The following DENND2B variants were observed in gnomAD, a reference collection of about 807,000 sequenced individuals.
The protein encoded by DENND2B is DENN domain containing 2B.
A neutral mutation model predicts 116.0 loss-of-function variants in DENND2B; 32 were observed. The observed-to-expected ratio is 0.28, with a 90% CI of 0.21 to 0.37. The LOEUF is 0.37. DENND2B is among the 10% of genes least tolerant of loss of function. The pLI is 1.00. For missense variants in DENND2B, 1,276 were observed against 1,477.7 expected (o/e 0.86, Z 2.24); for synonymous variants, 588 against 583.9 (o/e 1.01, Z -0.10).
intron 1 of DENND2B, among the ~76,000 whole-genome samples, chr11:8,760,871 T>G (rs1221245084): frequency 6.6e-6 from 1 of 152,152 alleles, no homozygotes; most frequent in Non-Finnish European, 1.5e-5. Context: ...GTGGGTGTTT[T>G]TACAGGCCCC....
chr11:8,821,863 C>G (rs2134547647), intron 4 of DENND2B, among the ~76,000 whole-genome samples: 1 of 152,240 alleles, frequency 6.6e-6, no homozygotes, highest in African/African-American at 2.4e-5. Context: ...AAGATCTTGG[C>G]TCACTGCAAC....
intron 2 of DENND2B, among the ~76,000 whole-genome samples, chr11:8,870,560 T>C (rs964612496): frequency 5.9e-5 from 9 of 151,430 alleles, no homozygotes; most frequent in African/African-American, 2.2e-4. Flanking sequence ...GGAGCCTGCA[T>C]ACAAGCTGCA....
chr11:8,714,603 A>G lies in DENND2B; in HGVS notation c.1942+7T>C. On this transcript the variant is annotated splice_region_variant and intron_variant, in intron 7 of 19. Transcript: ENST00000313726. ...ACAGCTGAACCAGCTCTGGCACCAA[A>G]GCCTACCTCTCAGTGATGCTGTTTC... 2 of 1,613,222 alleles carry G rather than the reference A, an allele frequency of 1.2e-6. No individual in the cohort carries two copies. The highest frequency in any genetic ancestry group is 1.7e-6 in the Non-Finnish European group (2 of 1,179,336).
At chr11:8,886,528 A>G (rs1365465443) in intron 1 of DENND2B, among the ~76,000 whole-genome samples, 4 of 151,934 alleles carry the variant, frequency 2.6e-5, no homozygotes, top group Admixed American at 6.6e-5. Context: ...CCTGGCAGGA[A>G]ATGCTTTGGA....
At chr11:8,710,540 C>T (rs915543236) in intron 11 of DENND2B, among the ~76,000 whole-genome samples, 15 of 151,872 alleles carry the variant, frequency 9.9e-5, no homozygotes, top group African/African-American at 1.9e-4. Context: ...AGGGAAATGA[C>T]GAAAAAGTAG....
intron 1 of DENND2B, among the ~76,000 whole-genome samples, chr11:8,783,430 C>T (rs2058596045): frequency 6.6e-6 from 1 of 152,090 alleles, no homozygotes; most frequent in Non-Finnish European, 1.5e-5. Flanking sequence ...TCTGTATGTA[C>T]TGTCTGTGGA....
At chr11:8,873,145 C>T (rs1194200926), upstream of DENND2B, among the ~76,000 whole-genome samples, 1 of 152,210 alleles carries the variant, frequency 6.6e-6, no homozygotes, top group African/African-American at 2.4e-5. Context: ...CTCCCACTTT[C>T]AAAACTATTA....
At position 8,717,942 on chromosome 11, in the gene DENND2B, C is replaced by G. The variant is rs755358217; in HGVS notation, c.1478-50G>C. 1.9e-6 allele frequency: 3 copies of G among 1,578,994 alleles called. No individual in the cohort carries two copies. In the East Asian group the frequency reaches 6.8e-5, roughly 36 times the overall value. ...AGGGGGAGAAGGGAAGAAGGAAACA[C>G]ACGAACTCACACACACACAAATAAA... On this transcript the variant is annotated intron_variant, in intron 4 of 19. Coordinates refer to ENST00000313726, the MANE Select transcript of DENND2B (RefSeq NM_213618.2).
chr11:8,876,285 C>T (rs2063840245), upstream of DENND2B, among the ~76,000 whole-genome samples: 1 of 151,948 alleles, frequency 6.6e-6, no homozygotes, highest in South Asian at 2.1e-4. Flanking sequence ...ATTTGGATTT[C>T]AAGTATTACT....
chr11:8,775,335 G>T (rs181836543), intron 1 of DENND2B, among the ~76,000 whole-genome samples: 53 of 152,312 alleles, frequency 3.5e-4, no homozygotes, highest in Non-Finnish European at 6.8e-4. Context: ...CAAAAGAGAA[G>T]TCCAATCTCA....
At chr11:8,831,711 G>GA (rs1403309166) in intron 4 of DENND2B, 1 of 151,970 alleles carries the variant, frequency 6.6e-6, no homozygotes, top group African/African-American at 2.4e-5. Context: ...AAAAAAGATG[G>GA]AAAAATTAAA....
At chr11:8,882,605 A>G (rs900242535) in intron 1 of DENND2B, among the ~76,000 whole-genome samples, 1 of 152,244 alleles carries the variant, frequency 6.6e-6, no homozygotes, top group Non-Finnish European at 1.5e-5. Flanking sequence ...TAATTAATTA[A>G]TCATAGAATG....
At chr11:8,772,158 C>T (rs1296871708) in intron 1 of DENND2B, among the ~76,000 whole-genome samples, 2 of 151,422 alleles carry the variant, frequency 1.3e-5, no homozygotes, top group Non-Finnish European at 2.9e-5. Context: ...CACACACACA[C>T]ACCAAAATTT....
chr11:8,857,675 C>A (rs1223451514), intron 2 of DENND2B, among the ~76,000 whole-genome samples: 1 of 152,170 alleles, frequency 6.6e-6, no homozygotes, highest in Non-Finnish European at 1.5e-5. Flanking sequence ...TACTCCCCAA[C>A]CCCCAGAGTC....
chr11:8,696,355 T>G, intron 18 of DENND2B, 72 bp downstream of exon 18: 2 of 1,580,724 alleles, frequency 1.3e-6, no homozygotes, highest in Non-Finnish European at 1.7e-6. Context: ...AGAGCTTCCA[T>G]CATAGTGCCT....
At chr11:8,867,632 G>A (rs998370202) in intron 2 of DENND2B, among the ~76,000 whole-genome samples, 5 of 124,024 alleles carry the variant, frequency 4.0e-5, no homozygotes, top group Admixed American at 1.1e-4. Flanking sequence ...AGGCTGCAGT[G>A]CAGTGGCATG....
intron 1 of DENND2B, among the ~76,000 whole-genome samples, chr11:8,889,986 AC>A (rs760057346): frequency 6.6e-6 from 1 of 151,962 alleles, no homozygotes; most frequent in South Asian, 2.1e-4. Context: ...ACTGGGAGGC[AC>A]CCCCCAGTAG....
At chr11:8,897,874 C>G (rs1157997962) in intron 1 of DENND2B, among the ~76,000 whole-genome samples, 2 of 152,150 alleles carry the variant, frequency 1.3e-5, no homozygotes, top group Admixed American at 6.5e-5. Flanking sequence ...TAACCTTGAA[C>G]TCCTAGGCTC....
intron 18 of DENND2B, among the ~76,000 whole-genome samples, 175 bp downstream of exon 18, chr11:8,696,252 G>A (rs184911475): frequency 1.5e-4 from 23 of 152,320 alleles, no homozygotes; most frequent in African/African-American, 5.1e-4. Context: ...GCCTTGTGAA[G>A]GCATTTACTG....
Sources: gnomAD v4.1 joint callset for allele counts (sites outside exome capture counted in the v4.1 genomes callset) on GRCh38, gnomAD v4.1.1 for gene constraint, MANE v1.5 for transcripts, NCBI Gene and HGNC (gene_info 2026-07-23, HGNC 2026-07-21) for gene names.